Variants in HS3ST4 observed in about 807,000 individuals in gnomAD.
The protein encoded by HS3ST4 is heparan sulfate glucosamine 3-O-sulfotransferase 4.
Under a neutral mutation model 29.2 loss-of-function variants are expected in HS3ST4, and 17 were observed. That is an observed-to-expected ratio of 0.58 (90% CI 0.40 to 0.87). The LOEUF (loss-of-function observed/expected upper bound fraction) is 0.87. HS3ST4 is among the 40% of genes least tolerant of loss of function. The pLI is 0.00. For synonymous variants in HS3ST4, 314 were observed against 285.7 expected, an observed-to-expected ratio of 1.10 and a Z score of -1.00; for missense variants, 627 against 634.5, an observed-to-expected ratio of 0.99 and a Z score of 0.13.
chr16:26,080,435 T>A (rs1898711881), intron 1 of HS3ST4, among the ~76,000 whole-genome samples: 1 of 152,056 alleles, frequency 6.6e-6, no homozygotes, highest in South Asian at 2.1e-4. Context: ...TAAATTTGTT[T>A]CCCCTGAAAG....
intron 1 of HS3ST4, among the ~76,000 whole-genome samples, chr16:25,749,291 C>T (rs1031529976): frequency 1.1e-4 from 17 of 152,052 alleles, no homozygotes; most frequent in Non-Finnish European, 4.4e-5. Flanking sequence ...CCCAGGAGTT[C>T]AAGACCAGCC....
chr16:26,003,058 T>C (rs865835605), intron 1 of HS3ST4, among the ~76,000 whole-genome samples: 14 of 152,048 alleles, frequency 9.2e-5, no homozygotes, highest in South Asian at 6.2e-4. Context: ...ATCAGTAATG[T>C]TGGGTAGACA....
intron 1 of HS3ST4, among the ~76,000 whole-genome samples, chr16:25,993,630 A>G (rs2141729568): frequency 6.6e-6 from 1 of 152,038 alleles, no homozygotes; most frequent in Admixed American, 6.6e-5. Flanking sequence ...GGGAATGTTA[A>G]TACCAAGCTC....
rs905014289 is a variant in HS3ST4 at position 26,118,780 on chromosome 16, T to G, written c.735-16832T>G. Among the ~76,000 whole-genome samples the G allele has an allele frequency of 3.3e-5, 5 of 152,028 alleles. No homozygotes were observed. The East Asian group carries it at 5.8e-4, about 18-fold the overall frequency. ...CCTGCAGGGAAAGGAATGTGGAGTA[T>G]TTGGGGACACAGAGAAGGCCGGTGT... On this transcript the variant is annotated intron_variant, in intron 1 of 1. Transcript: ENST00000331351.
At chr16:25,801,741 G>A (rs935498443) in intron 1 of HS3ST4, among the ~76,000 whole-genome samples, 3 of 151,880 alleles carry the variant, frequency 2.0e-5, no homozygotes, top group African/African-American at 4.8e-5. Context: ...CATTCTAATC[G>A]TTTTATAAAG....
intron 1 of HS3ST4, among the ~76,000 whole-genome samples, chr16:26,068,302 T>C (rs908770398): frequency 6.6e-5 from 10 of 152,196 alleles, no homozygotes; most frequent in Non-Finnish European, 1.5e-4. Context: ...ATGCTATCAG[T>C]TGTAGGACAC....
intron 1 of HS3ST4, among the ~76,000 whole-genome samples, chr16:25,965,491 T>C (rs1005526694): frequency 5.3e-5 from 8 of 152,160 alleles, no homozygotes; most frequent in Non-Finnish European, 1.0e-4. Context: ...GCTGAGGTTG[T>C]GTGAATTCTC....
rs556885704 is a variant in HS3ST4, at chr16:26,029,603, G to A, written c.735-106009G>A. 9.2e-5 allele frequency among the ~76,000 whole-genome samples: 14 copies of A among 152,252 alleles called. No homozygotes were observed. In the South Asian group the frequency reaches 2.9e-3, roughly 32 times the overall value. Reference sequence around the variant, plus strand: ...AATTTTTGAATTTTTAGTAGAGATGGGGTTTCACCATGTTGGCCAGGCTGG... The same window carrying A: ...AATTTTTGAATTTTTAGTAGAGATGAGGTTTCACCATGTTGGCCAGGCTGG... On this transcript the variant is annotated intron_variant, in intron 1 of 1. Coordinates refer to ENST00000331351, the MANE Select transcript of HS3ST4 (RefSeq NM_006040.3).
intron 1 of HS3ST4, among the ~76,000 whole-genome samples, chr16:25,765,743 A>G (rs1966814297): frequency 6.6e-6 from 1 of 152,130 alleles, no homozygotes; most frequent in African/African-American, 2.4e-5. Context: ...CCCTACAACA[A>G]ACCTCATGTA....
chr16:26,123,323 G>A (rs1222865916), intron 1 of HS3ST4, among the ~76,000 whole-genome samples: 1 of 152,118 alleles, frequency 6.6e-6, no homozygotes, highest in African/African-American at 2.4e-5. Flanking sequence ...ATAGAACCCA[G>A]AGACTCAACA....
chr16:25,701,948 ATATCT>A (rs1175053028), intron 1 of HS3ST4, among the ~76,000 whole-genome samples: 1 of 152,240 alleles, frequency 6.6e-6, no homozygotes, highest in Non-Finnish European at 1.5e-5. Context: ...TGCTGAAAAG[ATATCT>A]TATAAAAAGA....
At chr16:25,741,314 CATTTT>C (rs1966650021) in intron 1 of HS3ST4, among the ~76,000 whole-genome samples, 1 of 117,844 alleles carries the variant, frequency 8.5e-6, no homozygotes, top group Non-Finnish European at 1.6e-5. Context: ...GCCAAAATTT[CATTTT>C]AAGTACCAGC....
At chr16:25,915,624 C>T (rs1968286452) in intron 1 of HS3ST4, among the ~76,000 whole-genome samples, 1 of 152,200 alleles carries the variant, frequency 6.6e-6, no homozygotes, top group South Asian at 2.1e-4. Context: ...TCTTACATGG[C>T]CTCAGCTGAC....
intron 1 of HS3ST4, among the ~76,000 whole-genome samples, chr16:25,976,781 T>G (rs1231653080): frequency 6.6e-6 from 1 of 152,136 alleles, no homozygotes; most frequent in Admixed American, 6.5e-5. Context: ...TAATACATAT[T>G]ATTGGCTTTG....
At chr16:25,773,245 G>C (rs911394030) in intron 1 of HS3ST4, among the ~76,000 whole-genome samples, 1 of 152,170 alleles carries the variant, frequency 6.6e-6, no homozygotes, top group Non-Finnish European at 1.5e-5. Flanking sequence ...AGTTCAGGCT[G>C]ACTTCTGTGT....
intron 1 of HS3ST4, among the ~76,000 whole-genome samples, chr16:25,920,600 C>CG (rs1032951994): frequency 1.5e-5 from 2 of 131,272 alleles, no homozygotes; most frequent in African/African-American, 3.3e-5. Flanking sequence ...ACTGCCGCCC[C>CG]CACCCCTCTT....
At chr16:26,001,690 T>A (rs1387645872) in intron 1 of HS3ST4, among the ~76,000 whole-genome samples, 1 of 152,188 alleles carries the variant, frequency 6.6e-6, no homozygotes, top group Non-Finnish European at 1.5e-5. Flanking sequence ...CATTGGTTGT[T>A]TGAGGGCATT....
intron 1 of HS3ST4, among the ~76,000 whole-genome samples, chr16:26,103,277 A>G (rs1054561712): frequency 6.6e-6 from 1 of 152,130 alleles, no homozygotes; most frequent in African/African-American, 2.4e-5. Flanking sequence ...TGAGGCCCAA[A>G]ACACAAAGTA....
At chr16:25,994,410 A>G (rs903938804) in intron 1 of HS3ST4, among the ~76,000 whole-genome samples, 2 of 151,848 alleles carry the variant, frequency 1.3e-5, no homozygotes, top group Non-Finnish European at 2.9e-5. Flanking sequence ...CATCTTATTT[A>G]TATTGGCTAC....
Sources: gnomAD v4.1 joint callset for allele counts (sites outside exome capture counted in the v4.1 genomes callset) on GRCh38, gnomAD v4.1.1 for gene constraint, MANE v1.5 for transcripts, NCBI Gene and HGNC (gene_info 2026-07-23, HGNC 2026-07-21) for gene names.